GRIA4: variants seen among roughly 807,000 people sequenced by gnomAD.
GRIA4 encodes the protein glutamate ionotropic receptor AMPA type subunit 4.
Under a neutral mutation model 104.0 loss-of-function variants are expected in GRIA4, and 34 were observed. The observed-to-expected ratio is 0.33, with a 90% CI of 0.25 to 0.44. The LOEUF (loss-of-function observed/expected upper bound fraction) is 0.44, where lower values mean the gene tolerates loss of function less well. Among genes scored for constraint, GRIA4 ranks in the 20% least tolerant of loss-of-function variants. The probability of loss-of-function intolerance (pLI) is 1.00; values close to 1 mark genes in which losing one functional copy is unlikely to be tolerated. For missense variants in GRIA4, 750 were observed against 1,096.5 expected (o/e 0.68, Z 4.46); for synonymous variants, 386 against 381.9 (o/e 1.01, Z -0.13).
intron 8 of GRIA4, among the ~76,000 whole-genome samples, chr11:105,904,854 G>T (rs1422594544): frequency 6.6e-6 from 1 of 151,866 alleles, no homozygotes; most frequent in Non-Finnish European, 1.5e-5. Flanking sequence ...TCCATTTTGT[G>T]GATATATAGA....
chr11:105,691,329 A>G (rs1251128978), intron 3 of GRIA4, among the ~76,000 whole-genome samples: 2 of 152,214 alleles, frequency 1.3e-5, no homozygotes, highest in Non-Finnish European at 2.9e-5. Context: ...TGGTTTTTAA[A>G]TATAGGAAAC....
intron 14 of GRIA4, among the ~76,000 whole-genome samples, chr11:105,965,559 T>C (rs1858316519): frequency 1.2e-5 from 1 of 84,452 alleles, no homozygotes; most frequent in Non-Finnish European, 2.5e-5. Flanking sequence ...TGTTTTTCCT[T>C]GTGGGAATGA....
intron 4 of GRIA4, among the ~76,000 whole-genome samples, chr11:105,819,047 T>C (rs1943484612): frequency 6.6e-6 from 1 of 152,170 alleles, no homozygotes; most frequent in African/African-American, 2.4e-5. Flanking sequence ...GATTAAGGAC[T>C]GAAAAAGCAG....
chr11:105,823,355 G>A (rs1943646140), intron 4 of GRIA4, among the ~76,000 whole-genome samples: 1 of 152,080 alleles, frequency 6.6e-6, no homozygotes, highest in South Asian at 2.1e-4. Context: ...TACAAGAACA[G>A]GCAAGAATTC....
At chr11:105,784,826 GA>G (rs1591252495) in intron 4 of GRIA4, among the ~76,000 whole-genome samples, 1 of 151,904 alleles carries the variant, frequency 6.6e-6, no homozygotes, top group Admixed American at 6.6e-5. Flanking sequence ...CTTTTGCAAA[GA>G]AAAAAATATT....
chr11:105,660,606 T>G (rs540023388), intron 3 of GRIA4, among the ~76,000 whole-genome samples: 1 of 151,620 alleles, frequency 6.6e-6, no homozygotes, highest in Admixed American at 6.6e-5. Flanking sequence ...AGTCTCATGA[T>G]AATTTCTCTA....
At chr11:105,928,561 C>T (rs7945345) in intron 13 of GRIA4, among the ~76,000 whole-genome samples, 3 of 151,764 alleles carry the variant, frequency 2.0e-5, no homozygotes, top group Non-Finnish European at 4.4e-5. Flanking sequence ...TAAGTAAGCA[C>T]GTAAAATTTA....
intron 10 of GRIA4, among the ~76,000 whole-genome samples, chr11:105,911,117 A>C (rs999619698): frequency 6.6e-6 from 1 of 152,044 alleles, no homozygotes; most frequent in East Asian, 1.9e-4. Flanking sequence ...GAATGAGAAA[A>C]GGGTTTTCTT....
intron 4 of GRIA4, among the ~76,000 whole-genome samples, chr11:105,845,727 CA>C (rs574946763): frequency 6.6e-6 from 1 of 151,778 alleles, no homozygotes; most frequent in African/African-American, 2.4e-5. Flanking sequence ...ACTAAAAATA[CA>C]AAAAAATTAG....
chr11:105,904,045 A>G, intron 8 of GRIA4, 64 bp downstream of exon 8: 1 of 1,115,336 alleles, frequency 9.0e-7, no homozygotes, highest in Non-Finnish European at 1.3e-6. Flanking sequence ...AATGTTCAAA[A>G]AACAGACTAA....
chr11:105,901,481 A>T (rs148261838), intron 7 of GRIA4, among the ~76,000 whole-genome samples: 73 of 152,344 alleles, frequency 4.8e-4, no homozygotes, highest in African/African-American at 1.7e-3. Flanking sequence ...CCTGCCTAAA[A>T]ATGAAATGAT....
At chr11:105,810,428 G>A (rs1943126472) in intron 4 of GRIA4, among the ~76,000 whole-genome samples, 1 of 152,152 alleles carries the variant, frequency 6.6e-6, no homozygotes, top group Non-Finnish European at 1.5e-5. Flanking sequence ...CACTATTGGA[G>A]AGGACCTAAT....
chr11:105,776,803 C>T (rs1448237241), intron 4 of GRIA4, among the ~76,000 whole-genome samples: 1 of 152,178 alleles, frequency 6.6e-6, no homozygotes, highest in Non-Finnish European at 1.5e-5. Flanking sequence ...GTAGACTTTA[C>T]TGAAATGCTT....
chr11:105,630,674 G>A (rs375579662), intron 3 of GRIA4, among the ~76,000 whole-genome samples: 220 of 150,598 alleles, frequency 1.5e-3, no homozygotes, highest in African/African-American at 5.2e-3. Flanking sequence ...GAGTACCCAA[G>A]TAAGGCATTA....
At chr11:105,662,963 T>C (rs1489280308) in intron 3 of GRIA4, among the ~76,000 whole-genome samples, 2 of 151,734 alleles carry the variant, frequency 1.3e-5, no homozygotes, top group Non-Finnish European at 2.9e-5. Flanking sequence ...AGAGAGTAAA[T>C]ACATAAAATA....
intron 3 of GRIA4, among the ~76,000 whole-genome samples, chr11:105,662,924 T>C (rs185742716): frequency 6.6e-6 from 1 of 151,930 alleles, no homozygotes; most frequent in East Asian, 1.9e-4. Context: ...ACTCACACTA[T>C]CTCTGACACC....
intron 14 of GRIA4, among the ~76,000 whole-genome samples, chr11:105,948,595 G>GTTTTTTTTT (rs3060323): frequency 2.0e-4 from 18 of 87,866 alleles, no homozygotes; most frequent in Non-Finnish European, 3.0e-4. Flanking sequence ...TTTTCTTTTT[G>GTTTTTTTTT]TTTTTTTTTT....
chr11:105,769,785 G>A (rs947080293), intron 4 of GRIA4, among the ~76,000 whole-genome samples: 2 of 152,004 alleles, frequency 1.3e-5, no homozygotes, highest in African/African-American at 2.4e-5. Flanking sequence ...AAGTGAAAAT[G>A]AGCATAGTAA....
At chr11:105,739,572 C>T (rs761237875) in intron 3 of GRIA4, among the ~76,000 whole-genome samples, 1 of 152,118 alleles carries the variant, frequency 6.6e-6, no homozygotes, top group African/African-American at 2.4e-5. Flanking sequence ...CTGTAGCTAA[C>T]CACTATTCAG....
Sources: gnomAD v4.1 joint callset for allele counts (sites outside exome capture counted in the v4.1 genomes callset) on GRCh38, gnomAD v4.1.1 for gene constraint, MANE v1.5 for transcripts, NCBI Gene and HGNC (gene_info 2026-07-23, HGNC 2026-07-21) for gene names.